Variants in TBXAS1 observed in about 807,000 individuals in gnomAD.
TBXAS1 encodes the protein thromboxane A synthase 1, also known as thromboxane-A synthase.
A neutral mutation model predicts 60.7 loss-of-function variants in TBXAS1; 48 were observed. The ratio of observed to expected loss-of-function variants is 0.79; its 90% CI spans 0.63 to 1.01. The LOEUF (loss-of-function observed/expected upper bound fraction) is 1.01, where lower values mean the gene tolerates loss of function less well. TBXAS1 is among the 50% of genes least tolerant of loss of function. The pLI is 0.00. For synonymous variants in TBXAS1, 287 were observed against 269.7 expected (o/e 1.06, Z -0.63); for missense variants, 685 against 686.3 (o/e 1.00, Z 0.02).
intron 1 of TBXAS1, 76 bp downstream of exon 1, chr7:139,829,555 G>T (rs975139010): frequency 2.2e-6 from 3 of 1,340,154 alleles, no homozygotes; most frequent in African/African-American, 1.4e-5. Context: ...CCATGGCGGG[G>T]TATGTGGGAG....
rs1468141364 is a variant in TBXAS1 at position 139,975,140 on chromosome 7, G to A, written c.1134+12907G>A. On this transcript the variant is annotated intron_variant, in intron 9 of 12. Coordinates refer to ENST00000448866, the MANE Select transcript of TBXAS1 (RefSeq NM_001061.7). This position sits in a 1 kb window ranked among gnomAD's most constrained non-coding sequence, Gnocchi z 4.4. The stretch of plus-strand genomic sequence containing the variant: ...GTTTTTGCTCTTACGGCCTTCAACC[G>A]ATTGGATGAGGCACGCCCATATTAT... Among the ~76,000 whole-genome samples, 1 of 152,148 alleles carries A rather than the reference G, an allele frequency of 6.6e-6. No individual in the cohort carries two copies. Among genetic ancestry groups the A allele is most frequent in the Admixed American group, 6.5e-5 (1 of 15,268 alleles).
intron 4 of TBXAS1, among the ~76,000 whole-genome samples, chr7:139,918,621 A>T (rs1201652474): frequency 6.6e-6 from 1 of 152,190 alleles, no homozygotes; most frequent in Non-Finnish European, 1.5e-5. Context: ...TGATAGAAGC[A>T]CAGTTCCAAG....
At position 139,913,132 on chromosome 7, in the gene TBXAS1, G is replaced by A. The variant is rs867358737; in HGVS notation, c.333+1811G>A. The A allele has an allele frequency of 3.4e-5, 24 of 702,686 alleles. No individual in the cohort carries two copies. The highest frequency in any genetic ancestry group is 1.4e-4 in the African/African-American group (8 of 57,224). The allele number at this position is 702,686 out of a possible 1,614,324, so 43.5% of individuals were successfully genotyped here. On this transcript the variant is annotated intron_variant, in intron 4 of 12. Transcript: ENST00000448866. Reference sequence around the variant, plus strand: ...AGAGGGATGTGGCCTGGAGGGAGGCGGCTGGCCTGCTACCTCCATCCCTTC... The same window carrying A: ...AGAGGGATGTGGCCTGGAGGGAGGCAGCTGGCCTGCTACCTCCATCCCTTC...
Position 139,843,705 on chromosome 7 carries a change from G to A in TBXAS1, c.89+14226G>A, listed in dbSNP as rs367979067. 3.0e-4 allele frequency among the ~76,000 whole-genome samples: 46 copies of A among 152,340 alleles called. No homozygotes were observed. The East Asian group carries it at 3.7e-3, about 12-fold the overall frequency. ...TTGGCTTGACTGTAAGTCCCTAAGA[G>A]GAGGGCCCACATCTTAAGCCAGTGA... On this transcript the variant is annotated intron_variant, in intron 1 of 12. Transcript: ENST00000448866.
At chr7:139,818,665 A>G (rs1006681231) in intron 4 of TBXAS1, among the ~76,000 whole-genome samples, 1 of 152,206 alleles carries the variant, frequency 6.6e-6, no homozygotes, top group Non-Finnish European at 1.5e-5. Context: ...CCTGGGTCGC[A>G]GTGCCCCCTT....
chr7:139,844,905 ACTC>A (rs961950279), intron 1 of TBXAS1, among the ~76,000 whole-genome samples: 38 of 151,812 alleles, frequency 2.5e-4, no homozygotes, highest in Non-Finnish European at 4.1e-4. Context: ...TGGGCCAGCC[ACTC>A]CCTCCTTGCT....
intron 5 of TBXAS1, among the ~76,000 whole-genome samples, chr7:139,944,827 T>C (rs770476217): frequency 1.3e-5 from 2 of 152,206 alleles, no homozygotes; most frequent in Non-Finnish European, 2.9e-5. Flanking sequence ...CTTCCCTCTC[T>C]CTGTGTAGGA....
At chr7:139,816,971 T>C (rs186789596) in intron 4 of TBXAS1, among the ~76,000 whole-genome samples, 1 of 152,302 alleles carries the variant, frequency 6.6e-6, no homozygotes, top group East Asian at 1.9e-4. Flanking sequence ...AAGTCAAGTG[T>C]CCTGGGGAAG....
At chr7:139,888,880 G>T (rs1490051986) in intron 3 of TBXAS1, among the ~76,000 whole-genome samples, 1 of 151,968 alleles carries the variant, frequency 6.6e-6, no homozygotes, top group Admixed American at 6.6e-5. Context: ...TTTAAAGAAA[G>T]TTGTGCAGGT....
intron 4 of TBXAS1, among the ~76,000 whole-genome samples, chr7:139,820,056 T>A (rs1206285850): frequency 6.6e-6 from 1 of 152,008 alleles, no homozygotes; most frequent in Admixed American, 6.6e-5. Context: ...AACTTTTGCT[T>A]TCTGAGCATG....
chr7:139,959,279 T>C (rs1379712653), intron 8 of TBXAS1, among the ~76,000 whole-genome samples: 10 of 152,204 alleles, frequency 6.6e-5, no homozygotes, highest in Admixed American at 5.9e-4. Flanking sequence ...AAACTTGCTT[T>C]AAAACCATCT....
intron 6 of TBXAS1, among the ~76,000 whole-genome samples, chr7:139,954,092 C>T (rs943648710): frequency 5.3e-5 from 8 of 152,046 alleles, no homozygotes; most frequent in African/African-American, 1.7e-4. Context: ...CTGCTTCCAA[C>T]GTGGCCCAGG....
In TBXAS1 at chr7:139,876,273, A is replaced by T. The variant is rs114098187; in HGVS notation, c.236+636A>T. 1.7e-4 allele frequency among the ~76,000 whole-genome samples: 26 copies of T among 152,132 alleles called. No individual in the cohort carries two copies. In the East Asian group the frequency reaches 4.6e-3, roughly 27 times the overall value. On this transcript the variant is annotated intron_variant, in intron 3 of 12. Coordinates refer to ENST00000448866, the MANE Select transcript of TBXAS1 (RefSeq NM_001061.7). The stretch of plus-strand genomic sequence containing the variant: ...TTTATTTTCTGAATTTCTCCTTTGT[A>T]TGCTCCTTTGTTTCTAAAATTCCAG...
chr7:139,853,196 G>A lies in TBXAS1; in HGVS notation c.90-19039G>A, dbSNP rs553325742. Among the ~76,000 whole-genome samples the A allele has an allele frequency of 3.3e-5, 5 of 152,292 alleles. No homozygotes were observed. In the South Asian group the frequency reaches 8.3e-4, roughly 25 times the overall value. On this transcript the variant is annotated intron_variant, in intron 1 of 12. Transcript: ENST00000448866. ...ATCTGATCAACTGATTTGAACCCTGGGGATAGCGTCCTGTAAGATGGCATC... is the reference window on the plus strand; with the variant it reads ...ATCTGATCAACTGATTTGAACCCTGAGGATAGCGTCCTGTAAGATGGCATC...
intron 4 of TBXAS1, among the ~76,000 whole-genome samples, chr7:139,926,870 C>A (rs1806922330): frequency 6.6e-6 from 1 of 152,064 alleles, no homozygotes; most frequent in Non-Finnish European, 1.5e-5. Context: ...CCCTCTTAAT[C>A]TCTTCATTGG....
At position 139,936,053 on chromosome 7, in the gene TBXAS1, T is replaced by C. The variant is rs1807737791; in HGVS notation, c.334-138T>C. On this transcript the variant is annotated intron_variant, in intron 4 of 12. Transcript: ENST00000448866. ...CCTGTAAGCCTTTATAGTCTTCCTC[T>C]CTCTCCTTGCAAGAGAAACCTCCTA... is the stretch of plus-strand genomic sequence containing the variant. The C allele has an allele frequency of 5.7e-5, 47 of 818,680 alleles. No homozygotes were observed. In the South Asian group the frequency reaches 6.3e-4, roughly 11 times the overall value. 50.7% of individuals were successfully genotyped at this position (818,680 alleles called of 1,614,324 possible).
At chr7:139,993,293 G>A (rs1444603749) in intron 9 of TBXAS1, among the ~76,000 whole-genome samples, 2 of 152,100 alleles carry the variant, frequency 1.3e-5, no homozygotes, top group Non-Finnish European at 2.9e-5. Context: ...GATCATGTTG[G>A]GGAATAGGGT....
chr7:139,860,372 T>G (rs1158076394), intron 1 of TBXAS1, among the ~76,000 whole-genome samples: 1 of 152,168 alleles, frequency 6.6e-6, no homozygotes, highest in Non-Finnish European at 1.5e-5. Context: ...CAGGCACACT[T>G]CAAAATAAAA....
chr7:139,848,657 A>G (rs759062847), intron 1 of TBXAS1, among the ~76,000 whole-genome samples: 1 of 152,210 alleles, frequency 6.6e-6, no homozygotes, highest in Non-Finnish European at 1.5e-5. Context: ...ACAGGGATGC[A>G]AGAAATGTAA....
Sources: gnomAD v4.1 joint callset for allele counts (sites outside exome capture counted in the v4.1 genomes callset) on GRCh38, gnomAD v4.1.1 for gene constraint, Gnocchi (gnomAD v3.1) non-coding constraint, MANE v1.5 for transcripts, NCBI Gene and HGNC (gene_info 2026-07-23, HGNC 2026-07-21) for gene names.